Variants in PTPRT observed in about 807,000 individuals in gnomAD.
PTPRT encodes receptor-type tyrosine-protein phosphatase T.
A neutral mutation model predicts 176.8 loss-of-function variants in PTPRT; 56 were observed. That is an observed-to-expected ratio of 0.32 (90% confidence interval 0.26 to 0.40). The LOEUF is 0.40. Among genes scored for constraint, PTPRT ranks in the 10% least tolerant of loss-of-function variants. PTPRT has a pLI of 1.00. For synonymous variants in PTPRT, 783 were observed against 739.0 expected (o/e 1.06, Z -0.96); for missense variants, 1,540 against 1,908.2 (o/e 0.81, Z 3.60).
At chr20:42,576,667 C>T (rs1331274519) in intron 7 of PTPRT, among the ~76,000 whole-genome samples, 1 of 152,098 alleles carries the variant, frequency 6.6e-6, no homozygotes, top group Non-Finnish European at 1.5e-5. Context: ...AAGAACCTGG[C>T]TTTCAGAATC....
intron 7 of PTPRT, among the ~76,000 whole-genome samples, chr20:42,634,865 A>G (rs13039000): frequency 0.1 from 15,805 of 152,132 alleles, 1,037 homozygotes; most frequent in Middle Eastern, 0.16. Context: ...TTATACCTCA[A>G]TTTGATTATA....
chr20:42,915,798 C>T (rs1020307260), intron 1 of PTPRT, among the ~76,000 whole-genome samples: 1 of 151,562 alleles, frequency 6.6e-6, no homozygotes, highest in South Asian at 2.1e-4. Flanking sequence ...AGGGTTTTGC[C>T]ATGTTGCCCA....
At chr20:43,136,312 T>C (rs868482251) in intron 1 of PTPRT, among the ~76,000 whole-genome samples, 3 of 152,158 alleles carry the variant, frequency 2.0e-5, no homozygotes, top group African/African-American at 4.8e-5. Context: ...ATAAAGAAAT[T>C]TGCATGTTGC....
chr20:42,320,028 C>G (rs1038005648), intron 11 of PTPRT, among the ~76,000 whole-genome samples: 2 of 152,152 alleles, frequency 1.3e-5, no homozygotes, highest in African/African-American at 4.8e-5. Flanking sequence ...TCTTGTGACA[C>G]CCTCTCTGTT....
chr20:42,708,712 C>T (rs956379532), intron 6 of PTPRT, among the ~76,000 whole-genome samples: 3 of 152,124 alleles, frequency 2.0e-5, no homozygotes, highest in Admixed American at 6.5e-5. Context: ...GGCCTCAGTG[C>T]CCTATCATAA....
chr20:42,200,220 C>T (rs956512187), intron 15 of PTPRT, among the ~76,000 whole-genome samples: 1 of 152,156 alleles, frequency 6.6e-6, no homozygotes, highest in African/African-American at 2.4e-5. Context: ...CATAGCTTAC[C>T]TCTGCTGCCT....
chr20:42,797,109 G>T (rs544680298), intron 2 of PTPRT, among the ~76,000 whole-genome samples: 2 of 152,242 alleles, frequency 1.3e-5, no homozygotes, highest in Admixed American at 1.3e-4. Flanking sequence ...GACTGAAGAA[G>T]AAAATAGTAA....
the PTPRT span, among the ~76,000 whole-genome samples, chr20:42,051,185 G>T: frequency 1.3e-5 from 2 of 152,226 alleles, no homozygotes; most frequent in African/African-American, 4.8e-5. Context: ...AGGACCAAAA[G>T]TGGTCATCGC....
At chr20:43,082,109 T>G (rs540459029) in intron 1 of PTPRT, among the ~76,000 whole-genome samples, 1 of 152,322 alleles carries the variant, frequency 6.6e-6, no homozygotes, top group Admixed American at 6.5e-5. Flanking sequence ...AATGCCATTT[T>G]ATCCCTTTAT....
At chr20:42,972,199 C>T (rs1982685567) in intron 1 of PTPRT, among the ~76,000 whole-genome samples, 1 of 145,552 alleles carries the variant, frequency 6.9e-6, no homozygotes, top group Non-Finnish European at 1.5e-5. Context: ...CACGGCATTC[C>T]ATGCAGAGGA....
At chr20:43,101,211 G>C (rs184970449) in intron 1 of PTPRT, among the ~76,000 whole-genome samples, 2 of 152,204 alleles carry the variant, frequency 1.3e-5, no homozygotes, top group African/African-American at 4.8e-5. Context: ...ACAATAATAC[G>C]GAAGTAAAAT....
chr20:42,634,776 A>G (rs1216689713), intron 7 of PTPRT, among the ~76,000 whole-genome samples: 2 of 152,200 alleles, frequency 1.3e-5, no homozygotes, highest in Non-Finnish European at 2.9e-5. Flanking sequence ...ATATATGACC[A>G]GACTGTAAAT....
At chr20:43,188,382 C>T (rs1276015053) in intron 1 of PTPRT, among the ~76,000 whole-genome samples, 2 of 152,190 alleles carry the variant, frequency 1.3e-5, no homozygotes, top group Non-Finnish European at 2.9e-5. Context: ...GCCTATTCCG[C>T]TTCCATTTTA....
intron 6 of PTPRT, among the ~76,000 whole-genome samples, chr20:42,740,428 CTCCTCATCTCCA>C (rs2076591312): frequency 6.6e-6 from 1 of 152,162 alleles, no homozygotes. Context: ...CTGAGAATGG[CTCCTCATCTCCA>C]TCCTCCTGCT....
chr20:42,086,390 T>C (rs558555220), intron 27 of PTPRT, among the ~76,000 whole-genome samples: 1 of 152,316 alleles, frequency 6.6e-6, no homozygotes, highest in South Asian at 2.1e-4. Context: ...AACACTGGGC[T>C]TGCAAATCTT....
chr20:42,852,389 T>C (rs1600475111), intron 2 of PTPRT, among the ~76,000 whole-genome samples: 1 of 152,204 alleles, frequency 6.6e-6, no homozygotes, highest in African/African-American at 2.4e-5. Context: ...TCTGTCCTGT[T>C]ATGATTGGGT....
At position 42,257,442 on chromosome 20, in the gene PTPRT, C is replaced by T. The variant is rs1010894221; in HGVS notation, c.2177-8620G>A. Among the ~76,000 whole-genome samples the T allele has an allele frequency of 1.1e-4, 16 of 152,126 alleles. 1 individual carries two copies. Among genetic ancestry groups the T allele is most frequent in the Admixed American group, 1.0e-3 (16 of 15,272 alleles). Reference sequence around the variant, plus strand: ...ATATTCTCTCTTTTAATCTTCACTGCCCTATCACTATGGTTTGGATCTGTG... The same window carrying T: ...ATATTCTCTCTTTTAATCTTCACTGTCCTATCACTATGGTTTGGATCTGTG... On this transcript the variant is annotated intron_variant, in intron 13 of 30. Coordinates refer to ENST00000373187, the MANE Select transcript of PTPRT (RefSeq NM_007050.6).
chr20:42,555,683 T>A (rs2072849226), intron 7 of PTPRT, among the ~76,000 whole-genome samples: 1 of 152,308 alleles, frequency 6.6e-6, no homozygotes, highest in Non-Finnish European at 1.5e-5. Context: ...GTTTGCCATA[T>A]GACTTGTTTT....
At chr20:43,181,743 C>A (rs1051974280) in intron 1 of PTPRT, among the ~76,000 whole-genome samples, 1 of 152,098 alleles carries the variant, frequency 6.6e-6, no homozygotes, top group African/African-American at 2.4e-5. Context: ...AAAATATGCA[C>A]CCAGATTCCG....
Sources: gnomAD v4.1 joint callset for allele counts (sites outside exome capture counted in the v4.1 genomes callset) on GRCh38, gnomAD v4.1.1 for gene constraint, MANE v1.5 for transcripts, NCBI Gene and HGNC (gene_info 2026-07-23, HGNC 2026-07-21) for gene names.